The following ETNPPL variants were observed in gnomAD, a reference collection of about 807,000 sequenced individuals.
The protein encoded by ETNPPL is ethanolamine-phosphate phospho-lyase.
In ETNPPL, 30 loss-of-function variants were observed where a neutral mutation model predicts 55.5. That is an observed-to-expected ratio of 0.54 (90% CI 0.40 to 0.73). The LOEUF (loss-of-function observed/expected upper bound fraction) is 0.73. ETNPPL is among the 30% of genes least tolerant of loss of function. The pLI, the probability that ETNPPL is intolerant of heterozygous loss-of-function variation, is 0.00. For synonymous variants in ETNPPL, 202 were observed against 207.2 expected (o/e 0.98, Z 0.21); for missense variants, 528 against 607.9 (o/e 0.87, Z 1.38).
At chr4:108,759,983 C>A in intron 2 of ETNPPL, 75 bp from the exon 3 acceptor site, 1 of 1,384,052 alleles carries the variant, frequency 7.2e-7, no homozygotes, top group South Asian at 1.3e-5. Flanking sequence ...AATTATGAAG[C>A]AAGCAAGCAA....
intron 5 of ETNPPL, among the ~76,000 whole-genome samples, chr4:108,754,126 A>C (rs1729085254): frequency 1.3e-5 from 2 of 151,894 alleles, no homozygotes; most frequent in South Asian, 4.2e-4. Context: ...GGCACCTGCC[A>C]CCACACCTGG....
chr4:108,748,970 G>C (rs1002845870), intron 8 of ETNPPL, among the ~76,000 whole-genome samples: 1 of 151,946 alleles, frequency 6.6e-6, no homozygotes, highest in Non-Finnish European at 1.5e-5. Flanking sequence ...CTAGATGACG[G>C]GTTGATAGGT....
At position 108,758,006 on chromosome 4, in the gene ETNPPL, C is replaced by CTT. The variant is rs11307616; in HGVS notation, c.336-1516_336-1515dup. Among the ~76,000 whole-genome samples, 174 of 116,698 alleles carry CTT rather than the reference C, an allele frequency of 1.5e-3. 4 individuals carry two copies. Among genetic ancestry groups the CTT allele is most frequent in the South Asian group, 0.01 (37 of 3,562 alleles). 76.6% of individuals were successfully genotyped at this position (116,698 alleles called of 152,430 possible). ...AGTTAATTTTCATATATATTTCTTT[C>CTT]TTTTTTTTTTTTTTTTTTTGACGGA... On this transcript the variant is annotated intron_variant, in intron 3 of 12. Transcript: ENST00000296486.
Position 108,762,935 on chromosome 4 carries a change from G to A in ETNPPL, c.-37C>T, listed in dbSNP as rs369191202. On this transcript the variant is annotated 5_prime_UTR_variant, in exon 1 of 13. Transcript: ENST00000296486. ...GCAGGGCGCTGCGAAGGTGCAAGGTGCAAGGTCTGCGCGCCTCCTACGCGA... is the reference window on the plus strand; with the variant it reads ...GCAGGGCGCTGCGAAGGTGCAAGGTACAAGGTCTGCGCGCCTCCTACGCGA... 358 of 1,602,228 alleles carry A rather than the reference G, an allele frequency of 2.2e-4. No individual in the cohort carries two copies. The African/African-American group carries it at 3.8e-3, about 17-fold the overall frequency.
chr4:108,742,255 T>G lies in ETNPPL; in HGVS notation c.*229A>C, dbSNP rs934512056. On this transcript the variant is annotated 3_prime_UTR_variant, in exon 13 of 13. Transcript: ENST00000296486. ...TTACAATTTAATAGAATAAATCAGG[T>G]AGCTTCAGAAATCAACTAAGAAAAT... 2 of 361,884 alleles carry G rather than the reference T, an allele frequency of 5.5e-6. No homozygotes were observed. Among genetic ancestry groups the G allele is most frequent in the African/African-American group, 4.0e-5 (2 of 49,508 alleles). 22.4% of individuals were successfully genotyped at this position (361,884 alleles called of 1,614,324 possible). A position where few individuals can be genotyped will look rare whatever the true frequency, so the allele number is the denominator to read the frequency against.
At position 108,760,279 on chromosome 4, in the gene ETNPPL, C is replaced by T. The variant is rs748968101; in HGVS notation, c.84G>A (p.Ser28=). Residue 28 remains serine, a synonymous_variant, in exon 2 of 13, where the codon TCG becomes TCA. Transcript: ENST00000296486. ...IGPSCKVFFA[S]DPIKIVRAQR... is the part of the protein sequence containing the mutation. ...GGGCTCTCACTATTTTGATGGGATC[C>T]GATGCAAAGAAAACTTTGCATGAGG... The T allele has an allele frequency of 1.4e-5, 23 of 1,609,174 alleles. No homozygotes were observed. The highest frequency in any genetic ancestry group is 8.0e-5 in the African/African-American group (6 of 74,796).
At chr4:108,762,796 G>A (rs535548346) in intron 1 of ETNPPL, 47 bp downstream of exon 1, 2 of 1,602,292 alleles carry the variant, frequency 1.2e-6, no homozygotes, top group South Asian at 2.2e-5. Flanking sequence ...TTCTGCACTC[G>A]TTATTGCCCC....
chr4:108,762,659 G>T, intron 1 of ETNPPL, 184 bp downstream of exon 1: 1 of 737,910 alleles, frequency 1.4e-6, no homozygotes. Context: ...CCGGGTTCCA[G>T]GAGCGTTTCT....
intron 1 of ETNPPL, 151 bp downstream of exon 1, chr4:108,762,692 G>T: frequency 1.0e-6 from 1 of 976,826 alleles, no homozygotes; most frequent in Non-Finnish European, 1.6e-6. Context: ...GGCCCCTGCA[G>T]GTGGAGGCGC....
intron 3 of ETNPPL, among the ~76,000 whole-genome samples, chr4:108,757,170 T>C (rs1410535503): frequency 6.6e-6 from 1 of 152,214 alleles, no homozygotes; most frequent in Non-Finnish European, 1.5e-5. Flanking sequence ...ATGTCATATT[T>C]ACCCAACATT....
At chr4:108,747,932 G>T in intron 9 of ETNPPL, 73 bp downstream of exon 9, 1 of 1,318,118 alleles carries the variant, frequency 7.6e-7, no homozygotes, top group African/African-American at 1.5e-5. Context: ...GTCTCACCAT[G>T]TTGCCCAGCC....
chr4:108,746,336 AG>A, intron 11 of ETNPPL, 62 bp downstream of exon 11: 1 of 1,504,772 alleles, frequency 6.6e-7, no homozygotes, highest in Non-Finnish European at 9.0e-7. Context: ...TGACTAGACC[AG>A]GGTTTGAGGG....
intron 7 of ETNPPL, 25 bp from the exon 8 acceptor site, chr4:108,749,488 T>A: frequency 6.4e-7 from 1 of 1,563,672 alleles, no homozygotes; most frequent in Non-Finnish European, 8.8e-7. Flanking sequence ...GGCAGTCTAA[T>A]GCCTTCAGGT....
rs1314148182 is a variant in ETNPPL, at chr4:108,759,886, C to T, written c.198G>A (p.Val66=). The part of the protein sequence containing the change: ...VAHVGHCHPG[V]VKAALKQMEL... ...CCATCTGTTTCAGGGCAGCTTTGACCACTCCTGGGTGACAGTGTCCCACTA... is the reference window on the plus strand; with the variant it reads ...CCATCTGTTTCAGGGCAGCTTTGACTACTCCTGGGTGACAGTGTCCCACTA... Residue 66 remains valine (V), a synonymous_variant, in exon 3 of 13, where the codon GTG becomes GTA. Transcript: ENST00000296486. 3 of 1,614,074 alleles carry T rather than the reference C, an allele frequency of 1.9e-6. No homozygotes were observed. The South Asian group carries it at 3.3e-5, about 18-fold the overall frequency.
At chr4:108,762,610 C>G (rs558092498) in intron 1 of ETNPPL, 1 of 635,238 alleles carries the variant, frequency 1.6e-6, no homozygotes, top group Non-Finnish European at 2.8e-6. Flanking sequence ...GGCTGCAGAG[C>G]GAGCCGGGGA....
chr4:108,754,933 A>G, intron 4 of ETNPPL: 1 of 479,914 alleles, frequency 2.1e-6, no homozygotes, highest in South Asian at 3.4e-5. Context: ...TAGAAAGCCA[A>G]GCATGTGTCC....
At chr4:108,758,007 T>C (rs1199208128) in intron 3 of ETNPPL, among the ~76,000 whole-genome samples, 2 of 19,806 alleles carry the variant, frequency 1.0e-4, no homozygotes, top group East Asian at 6.0e-3. Flanking sequence ...TATTTCTTTC[T>C]TTTTTTTTTT....
At chr4:108,758,748 C>T (rs1297203913) in intron 3 of ETNPPL, among the ~76,000 whole-genome samples, 1 of 152,188 alleles carries the variant, frequency 6.6e-6, no homozygotes, top group Admixed American at 6.5e-5. Context: ...CCAGACCAGC[C>T]CGCATCTCTT....
intron 5 of ETNPPL, among the ~76,000 whole-genome samples, chr4:108,753,777 AAAGAAAGAAAGAAAGAAAGAAAG>A (rs1342587131): frequency 0.017 from 2,195 of 130,798 alleles, 75 homozygotes; most frequent in African/African-American, 0.06. Context: ...AGAAAGAAAG[AAAGAAAGAAAGAAAGAAAGAAAG>A]AAAGAAAAGA....
Sources: allele counts gnomAD v4.1 joint callset (sites outside exome capture counted in the v4.1 genomes callset), GRCh38; gene constraint gnomAD v4.1.1; transcripts MANE v1.5; gene names NCBI Gene and HGNC (gene_info 2026-07-23, HGNC 2026-07-21).